The following CNTNAP4 variants were observed in gnomAD, a reference collection of about 807,000 sequenced individuals.
CNTNAP4 encodes contactin associated protein family member 4, also known as contactin-associated protein-like 4.
CNTNAP4 carries 98 observed loss-of-function variants against 148.4 expected under a neutral mutation model. The ratio of observed to expected loss-of-function variants is 0.66; its 90% CI spans 0.56 to 0.78. The LOEUF (loss-of-function observed/expected upper bound fraction) is 0.78. CNTNAP4 is among the 30% of genes least tolerant of loss of function. The probability of loss-of-function intolerance (pLI) is 0.00; values close to 1 mark genes in which losing one functional copy is unlikely to be tolerated. For missense variants in CNTNAP4, 1,935 were observed against 1,565.6 expected, an observed-to-expected ratio of 1.24 and a Z score of -3.98; for synonymous variants, 730 against 565.1, an observed-to-expected ratio of 1.29 and a Z score of -4.14.
chr16:76,356,375 A>G (rs139573040), intron 3 of CNTNAP4, among the ~76,000 whole-genome samples: 117 of 152,198 alleles, frequency 7.7e-4, no homozygotes, highest in African/African-American at 2.7e-3. Flanking sequence ...GTCTCTGTAA[A>G]GTGTATAAAT....
At position 76,365,696 on chromosome 16, in the gene CNTNAP4, G is replaced by A. The variant is rs1255046262; in HGVS notation, c.390+10185G>A. On this transcript the variant is annotated intron_variant, in intron 3 of 23. Transcript: ENST00000611870. The stretch of plus-strand genomic sequence containing the variant: ...GAACCTGGGAGACTGAGGTTGCAGT[G>A]AGCTGAGATCACGCCACTGCACTCC... 2.7e-5 allele frequency among the ~76,000 whole-genome samples: 4 copies of A among 145,488 alleles called. No homozygotes were observed. In the Admixed American group the frequency reaches 2.8e-4, roughly 10 times the overall value.
chr16:76,433,452 G>T (rs539648033), intron 4 of CNTNAP4, among the ~76,000 whole-genome samples: 1 of 152,050 alleles, frequency 6.6e-6, no homozygotes, highest in African/African-American at 2.4e-5. Context: ...GCACATAATA[G>T]GAATGTATAC....
intron 2 of CNTNAP4, among the ~76,000 whole-genome samples, chr16:76,341,583 G>C (rs1332209715): frequency 1.3e-5 from 2 of 152,118 alleles, no homozygotes; most frequent in African/African-American, 4.8e-5. Context: ...TGGCCATCTG[G>C]TTTTGACAGG....
chr16:76,350,905 AGTTAAG>A lies in CNTNAP4; in HGVS notation c.197-4410_197-4405del, dbSNP rs1177776381. 4.6e-5 allele frequency among the ~76,000 whole-genome samples: 7 copies of A among 152,274 alleles called. No individual in the cohort carries two copies. The East Asian group carries it at 1.4e-3, about 29-fold the overall frequency. ...CTATTATGCCAAGTCTCAGTAACAA[AGTTAAG>A]GTAGGAGAAAGAGGACGGTGGAACA... is the stretch of plus-strand genomic sequence containing the variant. On this transcript the variant is annotated intron_variant, in intron 2 of 23. Coordinates refer to ENST00000611870, the MANE Select transcript of CNTNAP4 (RefSeq NM_033401.5).
At chr16:76,318,190 A>G (rs888260912) in intron 2 of CNTNAP4, among the ~76,000 whole-genome samples, 1 of 152,202 alleles carries the variant, frequency 6.6e-6, no homozygotes, top group Non-Finnish European at 1.5e-5. Context: ...CTTTATAGAG[A>G]AAAACAGAGT....
intron 2 of CNTNAP4, among the ~76,000 whole-genome samples, chr16:76,323,145 C>A (rs1464549080): frequency 6.6e-6 from 1 of 152,084 alleles, no homozygotes; most frequent in Non-Finnish European, 1.5e-5. Flanking sequence ...CTGTATCTGG[C>A]AATATTCCTG....
At chr16:76,385,210 C>T (rs1379539764) in intron 3 of CNTNAP4, among the ~76,000 whole-genome samples, 1 of 152,124 alleles carries the variant, frequency 6.6e-6, no homozygotes, top group East Asian at 1.9e-4. Context: ...GCAGCAAGAG[C>T]TATGTGATAA....
chr16:76,526,425 A>G (rs537154533), intron 17 of CNTNAP4, among the ~76,000 whole-genome samples: 106 of 152,276 alleles, frequency 7.0e-4, no homozygotes, highest in African/African-American at 2.4e-3. Context: ...TCATTTTTCA[A>G]GCTCTCTCTT....
At chr16:76,389,845 T>C (rs146171361) in intron 3 of CNTNAP4, among the ~76,000 whole-genome samples, 38 of 152,280 alleles carry the variant, frequency 2.5e-4, no homozygotes, top group African/African-American at 8.9e-4. Context: ...CTTTCTAATA[T>C]GCTACCAAAA....
chr16:76,537,598 C>G (rs1021698114), intron 18 of CNTNAP4, among the ~76,000 whole-genome samples: 7 of 152,040 alleles, frequency 4.6e-5, no homozygotes, highest in African/African-American at 1.7e-4. Context: ...TAATACTAGA[C>G]TTAGCTTTCT....
chr16:76,453,254 C>T (rs1455908614), intron 8 of CNTNAP4, among the ~76,000 whole-genome samples: 2 of 152,236 alleles, frequency 1.3e-5, no homozygotes, highest in South Asian at 2.1e-4. Flanking sequence ...TTGCTGATGT[C>T]TTATGTAAAG....
intron 17 of CNTNAP4, among the ~76,000 whole-genome samples, chr16:76,533,404 T>C (rs1423655867): frequency 1.3e-5 from 2 of 152,116 alleles, no homozygotes; most frequent in East Asian, 3.9e-4. Flanking sequence ...GAGGAAAAAG[T>C]TCTAGTGTTG....
chr16:76,379,391 A>G (rs2015743544), intron 3 of CNTNAP4, among the ~76,000 whole-genome samples: 1 of 152,068 alleles, frequency 6.6e-6, no homozygotes, highest in South Asian at 2.1e-4. Context: ...ATAATTTTTC[A>G]TTTCATTACA....
chr16:76,553,149 T>C lies in CNTNAP4; in HGVS notation c.3443-134T>C, dbSNP rs888230543. ...GGAAAGAATAATGGATTTTTATCTT[T>C]TTAGTAAAGATAAAATTAAAAAGGA... On this transcript the variant is annotated intron_variant, in intron 21 of 23. Coordinates refer to ENST00000611870, the MANE Select transcript of CNTNAP4 (RefSeq NM_033401.5). 5.1e-6 allele frequency: 3 copies of C among 589,002 alleles called. No individual in the cohort carries two copies. In the African/African-American group the frequency reaches 5.6e-5, roughly 11 times the overall value. 36.5% of individuals were successfully genotyped at this position (589,002 alleles called of 1,614,324 possible).
Position 76,509,593 on chromosome 16 carries a change from A to G in CNTNAP4, c.2365+10899A>G. On this transcript the variant is annotated intron_variant, in intron 15 of 23. Coordinates refer to ENST00000611870, the MANE Select transcript of CNTNAP4 (RefSeq NM_033401.5). ...GATTATGCGCGTTTTAAAAGATTGT[A>G]GAGTCACTACATTTTATATTAAATG... 2.0e-5 allele frequency among the ~76,000 whole-genome samples: 2 copies of G among 97,720 alleles called. 1 individual carries two copies. The highest frequency in any genetic ancestry group is 5.8e-5 in the Non-Finnish European group (2 of 34,442). The allele number at this position is 97,720 out of a possible 152,430, so 64.1% of individuals were successfully genotyped here. A position where few individuals can be genotyped will look rare whatever the true frequency, so the allele number is the denominator to read the frequency against.
intron 1 of CNTNAP4, among the ~76,000 whole-genome samples, chr16:76,281,002 C>T (rs1375152201): frequency 6.6e-6 from 1 of 152,094 alleles, no homozygotes; most frequent in Non-Finnish European, 1.5e-5. Context: ...ATAATTAATG[C>T]TCCCCAATGA....
intron 10 of CNTNAP4, among the ~76,000 whole-genome samples, chr16:76,472,898 C>G (rs1181115751): frequency 6.6e-6 from 1 of 152,000 alleles, no homozygotes; most frequent in Non-Finnish European, 1.5e-5. Context: ...ACAACAAACC[C>G]TCATGACACA....
rs1194122524 is a variant in CNTNAP4, at chr16:76,413,566, A to AC, written c.391-13886_391-13885insC. On this transcript the variant is annotated intron_variant, in intron 3 of 23. Transcript: ENST00000611870. ...CATTATAAGACTTAATATCCAGTAA[A>AC]AAAAAAACCCTCCAACTTTGTTTTT... Among the ~76,000 whole-genome samples the AC allele has an allele frequency of 6.7e-5, 10 of 150,170 alleles. No individual in the cohort carries two copies. The Admixed American group carries it at 6.7e-4, about 10-fold the overall frequency.
Position 76,358,986 on chromosome 16 carries a change from C to T in CNTNAP4, c.390+3475C>T, listed in dbSNP as rs139647598. 4.1e-3 allele frequency among the ~76,000 whole-genome samples: 626 copies of T among 152,266 alleles called. 5 individuals carry two copies. Among genetic ancestry groups the T allele is most frequent in the African/African-American group, 0.014 (602 of 41,552 alleles). On this transcript the variant is annotated intron_variant, in intron 3 of 23. Coordinates refer to ENST00000611870, the MANE Select transcript of CNTNAP4 (RefSeq NM_033401.5). Reference sequence around the variant, plus strand: ...CTCTGGTCCCACTCTAAAGGAAGCTCTCTGTGAATCGCTAATTGCTGAAGC... The same window carrying T: ...CTCTGGTCCCACTCTAAAGGAAGCTTTCTGTGAATCGCTAATTGCTGAAGC...
Sources: gnomAD v4.1 joint callset for allele counts (sites outside exome capture counted in the v4.1 genomes callset) on GRCh38, gnomAD v4.1.1 for gene constraint, MANE v1.5 for transcripts, NCBI Gene and HGNC (gene_info 2026-07-23, HGNC 2026-07-21) for gene names.